The following APBA2 variants were observed in gnomAD, a reference collection of about 807,000 sequenced individuals.
The protein encoded by APBA2 is amyloid-beta A4 precursor protein-binding family A member 2.
APBA2 carries 30 observed loss-of-function variants against 75.0 expected under a neutral mutation model. That is an observed-to-expected ratio of 0.40 (90% CI 0.30 to 0.54). The LOEUF is 0.54. APBA2 is among the 20% of genes least tolerant of loss of function. The pLI, the probability that APBA2 is intolerant of heterozygous loss-of-function variation, is 0.49. For missense variants in APBA2, 801 were observed against 1,016.1 expected (o/e 0.79, Z 2.88); for synonymous variants, 444 against 409.6 (o/e 1.08, Z -1.01).
At position 29,054,571 on chromosome 15, in the gene APBA2, C is replaced by A. The variant is rs143079268; in HGVS notation, c.687C>A (p.Ile229=). Residue 229 remains isoleucine, a synonymous_variant, in exon 4 of 15, where the codon ATC becomes ATA. Transcript: ENST00000683413. The surrounding 1 kb of genome is among the most constrained non-coding windows in gnomAD (Gnocchi z 6.1). The stretch of plus-strand genomic sequence containing the variant: ...ACCAGGAGGAGGACATTGACCAGAT[C>A]GTGGCAGAGATCAAGATGAGTCTGA... ...LEDQEEDIDQ[I]VAEIKMSLSM... 2.9e-5 allele frequency: 47 copies of A among 1,613,810 alleles called. No homozygotes were observed. The highest frequency in any genetic ancestry group is 3.8e-5 in the Non-Finnish European group (45 of 1,179,940).
At chr15:29,107,139 G>A (rs937938098) in intron 12 of APBA2, among the ~76,000 whole-genome samples, 1 of 152,036 alleles carries the variant, frequency 6.6e-6, no homozygotes, top group Non-Finnish European at 1.5e-5. Context: ...ATCCTGCTTT[G>A]CCTGGGACTT....
At chr15:29,084,744 C>T (rs1305530728) in intron 6 of APBA2, among the ~76,000 whole-genome samples, 1 of 152,136 alleles carries the variant, frequency 6.6e-6, no homozygotes, top group Non-Finnish European at 1.5e-5. Flanking sequence ...GTTGTCCATC[C>T]GTCTCTTTTT....
intron 3 of APBA2, among the ~76,000 whole-genome samples, chr15:29,022,596 A>G (rs1461505282): frequency 6.6e-6 from 1 of 152,144 alleles, no homozygotes; most frequent in Non-Finnish European, 1.5e-5. Context: ...CCTTTATCAT[A>G]TGGTAAATCA....
chr15:28,901,076 C>T (rs992436280), intron 1 of APBA2, among the ~76,000 whole-genome samples: 14 of 152,116 alleles, frequency 9.2e-5, no homozygotes, highest in African/African-American at 2.4e-4. Flanking sequence ...AGCACTGTTC[C>T]GGTGGTCATT....
At chr15:28,962,297 C>T (rs962634199) in intron 2 of APBA2, among the ~76,000 whole-genome samples, 15 of 151,762 alleles carry the variant, frequency 9.9e-5, no homozygotes, top group African/African-American at 3.6e-4. Context: ...TTCGGCTGGG[C>T]GCGGTGGCTC....
intron 1 of APBA2, among the ~76,000 whole-genome samples, chr15:28,910,336 G>A (rs570315265): frequency 6.5e-4 from 99 of 152,324 alleles, no homozygotes; most frequent in African/African-American, 2.3e-3. Flanking sequence ...GCAGCTTGCC[G>A]TAAGGTATCC....
chr15:28,985,889 C>T (rs367907315), intron 2 of APBA2, among the ~76,000 whole-genome samples: 1 of 152,144 alleles, frequency 6.6e-6, no homozygotes, highest in Non-Finnish European at 1.5e-5. Context: ...GGCTTCTGAA[C>T]AGTCCTTCCT....
intron 1 of APBA2, among the ~76,000 whole-genome samples, chr15:28,889,114 C>A (rs1278333677): frequency 6.6e-6 from 1 of 152,074 alleles, no homozygotes; most frequent in Non-Finnish European, 1.5e-5. Context: ...CCTCCCCAAC[C>A]CCCTGCCGCC....
intron 3 of APBA2, among the ~76,000 whole-genome samples, chr15:29,052,454 C>CAACAAAAAAAAAA (rs2041642793): frequency 9.7e-6 from 1 of 103,192 alleles, no homozygotes. Flanking sequence ...GACTCCATCT[C>CAACAAAAAAAAAA]AAAAAAAAAA....
intron 3 of APBA2, among the ~76,000 whole-genome samples, chr15:29,005,053 C>A (rs1182728140): frequency 6.6e-6 from 1 of 152,072 alleles, no homozygotes; most frequent in East Asian, 1.9e-4. Flanking sequence ...TTCTAACAAC[C>A]CCCCAGGTGG....
At chr15:28,978,445 A>G (rs992075704) in intron 2 of APBA2, among the ~76,000 whole-genome samples, 4 of 152,202 alleles carry the variant, frequency 2.6e-5, no homozygotes, top group African/African-American at 9.6e-5. Context: ...GGCCGGTGGC[A>G]CACCCAGGAC....
At chr15:29,007,257 G>C (rs891661226) in intron 3 of APBA2, among the ~76,000 whole-genome samples, 2 of 152,180 alleles carry the variant, frequency 1.3e-5, no homozygotes, top group African/African-American at 2.4e-5. Context: ...TCAAAGACCT[G>C]AACATAAGAG....
At chr15:29,033,078 T>A (rs533702917) in intron 3 of APBA2, among the ~76,000 whole-genome samples, 1 of 152,326 alleles carries the variant, frequency 6.6e-6, no homozygotes, top group Admixed American at 6.5e-5. Flanking sequence ...CCTCTGAGGT[T>A]GCACTGTGGG....
chr15:28,916,085 G>A (rs2033678398), intron 1 of APBA2, among the ~76,000 whole-genome samples: 2 of 152,200 alleles, frequency 1.3e-5, no homozygotes, highest in African/African-American at 2.4e-5. Flanking sequence ...GCGCACCCCC[G>A]GCTGTCCTGG....
intron 3 of APBA2, among the ~76,000 whole-genome samples, chr15:29,013,187 G>A (rs1028542498): frequency 1.3e-5 from 2 of 151,232 alleles, no homozygotes; most frequent in African/African-American, 4.9e-5. Flanking sequence ...GGTGCCTCAT[G>A]GTATTTTAAT....
intron 2 of APBA2, among the ~76,000 whole-genome samples, chr15:28,943,950 C>T (rs1285817837): frequency 1.3e-5 from 2 of 152,144 alleles, no homozygotes; most frequent in East Asian, 1.9e-4. Flanking sequence ...AGTGCCCTGC[C>T]GTGGCCCCCA....
chr15:29,104,712 C>T (rs563209107), intron 10 of APBA2, among the ~76,000 whole-genome samples: 108 of 152,260 alleles, frequency 7.1e-4, no homozygotes, highest in Middle Eastern at 6.8e-3. Flanking sequence ...TAAATACATG[C>T]GGGGTAGACA....
chr15:29,106,038 T>C (rs1357602856), intron 11 of APBA2, among the ~76,000 whole-genome samples: 1 of 152,196 alleles, frequency 6.6e-6, no homozygotes, highest in South Asian at 2.1e-4. Flanking sequence ...GCTGAATGAT[T>C]GTGTCTGCTG....
chr15:29,085,005 C>G (rs1023100792), intron 6 of APBA2, among the ~76,000 whole-genome samples: 4 of 151,998 alleles, frequency 2.6e-5, no homozygotes, highest in Non-Finnish European at 1.5e-5. Flanking sequence ...CTGGTCATCT[C>G]TTTTTTGGTG....
Sources: allele counts gnomAD v4.1 joint callset (sites outside exome capture counted in the v4.1 genomes callset), GRCh38; gene constraint gnomAD v4.1.1; non-coding constraint Gnocchi (gnomAD v3.1); transcripts MANE v1.5; gene names NCBI Gene and HGNC (gene_info 2026-07-23, HGNC 2026-07-21).